The following BRD10 variants were observed in gnomAD, a reference collection of about 807,000 sequenced individuals.
BRD10 encodes bromodomain containing 10.
At chr9:6,005,149 A>G in the BRD10 span, among the ~76,000 whole-genome samples, 9 of 152,238 alleles carry the variant, frequency 5.9e-5, no homozygotes, top group Admixed American at 1.3e-4. Context: ...ACTGAGAATG[A>G]TGATTCTAAG....
chr9:5,952,074 G>A, the BRD10 span, among the ~76,000 whole-genome samples: 1 of 151,580 alleles, frequency 6.6e-6, no homozygotes, highest in Non-Finnish European at 1.5e-5. Flanking sequence ...AGCCTGGAGT[G>A]CAATGGCGTG....
At chr9:5,926,843 A>G in the BRD10 span, among the ~76,000 whole-genome samples, 216 of 152,300 alleles carry the variant, frequency 1.4e-3, 2 homozygotes, top group African/African-American at 5.1e-3. Context: ...CCAAAACATT[A>G]AAATTCCTTA....
chr9:5,951,078 C>CA, the BRD10 span, among the ~76,000 whole-genome samples: 36 of 136,206 alleles, frequency 2.6e-4, no homozygotes, highest in South Asian at 3.6e-3. Context: ...ACACACACAC[C>CA]CCCACCCCAC....
the BRD10 span, among the ~76,000 whole-genome samples, chr9:5,917,305 C>T: frequency 1.3e-5 from 2 of 152,140 alleles, no homozygotes; most frequent in African/African-American, 4.8e-5. Flanking sequence ...TGTAATGGAA[C>T]ATTAGGTCAA....
chr9:5,900,728 G>C, the BRD10 span, among the ~76,000 whole-genome samples: 1 of 152,168 alleles, frequency 6.6e-6, no homozygotes, highest in Non-Finnish European at 1.5e-5. Flanking sequence ...CTGAGCCCTG[G>C]AAAACATCTT....
chr9:5,962,137 C>A, the BRD10 span, among the ~76,000 whole-genome samples: 3 of 152,244 alleles, frequency 2.0e-5, no homozygotes, highest in East Asian at 5.8e-4. Flanking sequence ...TTTCCCTCTA[C>A]ACACTGCTTT....
At chr9:5,950,120 A>G in the BRD10 span, among the ~76,000 whole-genome samples, 1 of 152,200 alleles carries the variant, frequency 6.6e-6, no homozygotes, top group Non-Finnish European at 1.5e-5. Context: ...TGCAAATACT[A>G]TTACTTGGTT....
At chr9:5,970,009 T>C in the BRD10 span, among the ~76,000 whole-genome samples, 4 of 152,214 alleles carry the variant, frequency 2.6e-5, no homozygotes, top group Non-Finnish European at 5.9e-5. Flanking sequence ...ATCAACTTCA[T>C]TTACTAAATG....
At chr9:5,981,233 T>C in the BRD10 span, among the ~76,000 whole-genome samples, 3 of 152,336 alleles carry the variant, frequency 2.0e-5, no homozygotes, top group Admixed American at 1.3e-4. Flanking sequence ...AGCATTTATT[T>C]CCCTGGCTCT....
At chr9:5,966,768 C>G in the BRD10 span, among the ~76,000 whole-genome samples, 2 of 151,938 alleles carry the variant, frequency 1.3e-5, no homozygotes, top group Non-Finnish European at 2.9e-5. Flanking sequence ...TAGAGACTAA[C>G]ATTTCAAAGT....
the BRD10 span, among the ~76,000 whole-genome samples, chr9:5,951,540 T>G: frequency 6.6e-6 from 1 of 152,220 alleles, no homozygotes; most frequent in Non-Finnish European, 1.5e-5. Flanking sequence ...TCTATATTTT[T>G]ATGTTTAATG....
chr9:5,942,177 G>C, the BRD10 span, among the ~76,000 whole-genome samples: 3 of 152,034 alleles, frequency 2.0e-5, no homozygotes, highest in African/African-American at 7.2e-5. Flanking sequence ...TCATTTGTCT[G>C]ACAATAGTGA....
At chr9:5,888,166 CTTTGT>C in the BRD10 span, among the ~76,000 whole-genome samples, 2 of 151,966 alleles carry the variant, frequency 1.3e-5, no homozygotes, top group East Asian at 1.9e-4. Context: ...GGTTTTTTTT[CTTTGT>C]TTTGTTTGTT....
chr9:5,992,532 CA>C, the BRD10 span, among the ~76,000 whole-genome samples: 128,232 of 151,962 alleles, frequency 0.84, 56,215 homozygotes, highest in Non-Finnish European at 0.99. Flanking sequence ...TCTCCCATTG[CA>C]AAAAAACACA....
the BRD10 span, among the ~76,000 whole-genome samples, chr9:6,000,986 C>T: frequency 6.6e-6 from 1 of 152,288 alleles, no homozygotes; most frequent in East Asian, 1.9e-4. Context: ...CTATGCTGGA[C>T]TCCACATGCA....
At chr9:5,981,968 A>G in the BRD10 span, among the ~76,000 whole-genome samples, 1 of 152,116 alleles carries the variant, frequency 6.6e-6, no homozygotes, top group Non-Finnish European at 1.5e-5. Flanking sequence ...AATCTCAGAA[A>G]TCACCACTAA....
At chr9:5,967,723 T>A in the BRD10 span, among the ~76,000 whole-genome samples, 1 of 144,452 alleles carries the variant, frequency 6.9e-6, no homozygotes. Flanking sequence ...ACACATTTCA[T>A]AAGCGATGGG....
chr9:5,897,540 T>A, the BRD10 span: 15 of 1,608,596 alleles, frequency 9.3e-6, no homozygotes, highest in Non-Finnish European at 1.3e-5. Context: ...AGTGGATTTG[T>A]CTATCTCTTG....
chr9:5,929,716 T>C, the BRD10 span, among the ~76,000 whole-genome samples: 2 of 152,310 alleles, frequency 1.3e-5, no homozygotes, highest in Middle Eastern at 3.4e-3. Flanking sequence ...TAATTACTGA[T>C]GTCCTCTCAA....
Sources: gnomAD v4.1 joint callset for allele counts (sites outside exome capture counted in the v4.1 genomes callset) on GRCh38, gnomAD v4.1.1 for gene constraint, MANE v1.5 for transcripts, NCBI Gene and HGNC (gene_info 2026-07-23, HGNC 2026-07-21) for gene names.